The following AGBL1 variants were observed in gnomAD, a reference collection of about 807,000 sequenced individuals.
The protein encoded by AGBL1 is AGBL carboxypeptidase 1.
In AGBL1, 130 loss-of-function variants were observed where a neutral mutation model predicts 118.9. The observed-to-expected ratio is 1.09, with a 90% CI of 0.95 to 1.26. The LOEUF is 1.26. AGBL1 is among the 50% of genes most tolerant of loss of function. AGBL1 has a pLI of 0.00. For synonymous variants in AGBL1, 555 were observed against 478.9 expected (o/e 1.16, Z -2.08); for missense variants, 1,584 against 1,298.1 (o/e 1.22, Z -3.38).
intron 6 of AGBL1, among the ~76,000 whole-genome samples, chr15:86,227,014 T>C (rs1186644135): frequency 1.3e-5 from 2 of 152,230 alleles, no homozygotes; most frequent in Non-Finnish European, 2.9e-5. Context: ...TAAATTTTTT[T>C]TGTTGTTGTT....
intron 1 of AGBL1, among the ~76,000 whole-genome samples, chr15:86,084,490 A>C (rs1317386681): frequency 6.6e-6 from 1 of 152,250 alleles, no homozygotes; most frequent in Non-Finnish European, 1.5e-5. Context: ...CTCAAGGCTT[A>C]AGGACAGAAA....
intron 22 of AGBL1, among the ~76,000 whole-genome samples, chr15:86,727,520 T>C (rs2086838813): frequency 6.6e-6 from 1 of 152,208 alleles, no homozygotes. Context: ...TGTATAGGGA[T>C]AGTTCTTCCC....
At chr15:86,431,487 C>G (rs912802426) in intron 18 of AGBL1, among the ~76,000 whole-genome samples, 1 of 152,082 alleles carries the variant, frequency 6.6e-6, no homozygotes, top group Non-Finnish European at 1.5e-5. Context: ...TTGGAGTATC[C>G]CAACCTTTGC....
Position 86,713,886 on chromosome 15 carries a change from G to C in AGBL1, c.3158+39450G>C, listed in dbSNP as rs186095779. ...CTTGGATTAGAGTTTGCTAATTAAA[G>C]AGCATTTGACCAAGTTGAGCATGCG... On this transcript the variant is annotated intron_variant, in intron 22 of 22. Transcript: ENST00000614907. 9.0e-4 allele frequency among the ~76,000 whole-genome samples: 137 copies of C among 152,190 alleles called. 1 individual carries two copies. The highest frequency in any genetic ancestry group is 1.7e-3 in the Non-Finnish European group (113 of 68,014).
chr15:86,550,794 G>A (rs143304749), intron 20 of AGBL1, among the ~76,000 whole-genome samples: 1 of 151,998 alleles, frequency 6.6e-6, no homozygotes, highest in East Asian at 1.9e-4. Context: ...CTTTTTGAGT[G>A]CACATCAAAA....
At chr15:86,591,604 T>C (rs1048315453) in intron 21 of AGBL1, among the ~76,000 whole-genome samples, 1 of 152,162 alleles carries the variant, frequency 6.6e-6, no homozygotes, top group African/African-American at 2.4e-5. Context: ...GATGAAGAGA[T>C]GCATAGGGTG....
chr15:86,350,403 A>C (rs1431677192), intron 17 of AGBL1, among the ~76,000 whole-genome samples: 1 of 152,228 alleles, frequency 6.6e-6, no homozygotes, highest in Non-Finnish European at 1.5e-5. Context: ...TGACAAATCA[A>C]AGAAAGGTGA....
chr15:86,834,111 A>T (rs12592303), intron 22 of AGBL1, among the ~76,000 whole-genome samples: 2 of 152,088 alleles, frequency 1.3e-5, no homozygotes, highest in Non-Finnish European at 2.9e-5. Context: ...CTCCTACACA[A>T]TGGAGACAAG....
At chr15:86,357,140 G>C (rs1489627379) in intron 17 of AGBL1, among the ~76,000 whole-genome samples, 4 of 152,128 alleles carry the variant, frequency 2.6e-5, no homozygotes, top group Non-Finnish European at 5.9e-5. Flanking sequence ...CACCTAACAG[G>C]GAGTCATGTA....
intron 18 of AGBL1, among the ~76,000 whole-genome samples, chr15:86,450,358 T>C (rs2082178202): frequency 6.6e-6 from 1 of 152,190 alleles, no homozygotes; most frequent in Non-Finnish European, 1.5e-5. Context: ...AGTTGGGACA[T>C]ACATATTTTT....
chr15:86,885,135 C>A (rs1437897586), intron 22 of AGBL1, among the ~76,000 whole-genome samples: 1 of 137,720 alleles, frequency 7.3e-6, no homozygotes, highest in Non-Finnish European at 1.6e-5. Context: ...CATACATATA[C>A]TGTTCTTTGT....
chr15:86,466,820 T>C (rs28797905), intron 18 of AGBL1, among the ~76,000 whole-genome samples: 73,933 of 152,050 alleles, frequency 0.49, 18,480 homozygotes, highest in Non-Finnish European at 0.53. Context: ...GTATCAGCAG[T>C]GGAGGCTGCA....
intron 22 of AGBL1, among the ~76,000 whole-genome samples, chr15:86,825,926 TAGATAGATAGAC>T (rs1250669596): frequency 6.3e-5 from 7 of 110,280 alleles, no homozygotes; most frequent in East Asian, 2.5e-4. Flanking sequence ...GATAGATAGA[TAGATAGATAGAC>T]AGATGAGATA....
intron 21 of AGBL1, among the ~76,000 whole-genome samples, chr15:86,602,741 T>A (rs1336390013): frequency 6.6e-6 from 1 of 152,152 alleles, no homozygotes; most frequent in Non-Finnish European, 1.5e-5. Flanking sequence ...TAGGGAAACG[T>A]CTTTGGAATA....
At chr15:86,859,682 C>T (rs79472987) in intron 22 of AGBL1, among the ~76,000 whole-genome samples, 17,676 of 152,074 alleles carry the variant, frequency 0.12, 1,292 homozygotes, top group Non-Finnish European at 0.16. Context: ...CAGGTCTGGA[C>T]GAGTCGCCTT....
chr15:87,002,126 T>G (rs2081446368), intron 24 of AGBL1, among the ~76,000 whole-genome samples: 1 of 152,090 alleles, frequency 6.6e-6, no homozygotes, highest in African/African-American at 2.4e-5. Flanking sequence ...AACATTTAAG[T>G]CTTTAATCCA....
chr15:86,765,586 G>A (rs796411583), intron 22 of AGBL1, among the ~76,000 whole-genome samples: 3 of 152,060 alleles, frequency 2.0e-5, no homozygotes, highest in African/African-American at 7.2e-5. Context: ...CAGCATTTAC[G>A]ATTCCCTGGA....
intron 18 of AGBL1, among the ~76,000 whole-genome samples, chr15:86,439,823 C>T (rs1309715375): frequency 6.6e-6 from 1 of 152,228 alleles, no homozygotes; most frequent in African/African-American, 2.4e-5. Context: ...GTCGCTCAAA[C>T]AGCCCACAGC....
At chr15:86,261,765 T>C (rs2078989704) in intron 9 of AGBL1, among the ~76,000 whole-genome samples, 1 of 152,100 alleles carries the variant, frequency 6.6e-6, no homozygotes, top group Non-Finnish European at 1.5e-5. Context: ...ACCATCATCA[T>C]TAAAAGGTTT....
Sources: allele counts gnomAD v4.1 joint callset (sites outside exome capture counted in the v4.1 genomes callset), GRCh38; gene constraint gnomAD v4.1.1; transcripts MANE v1.5; gene names NCBI Gene and HGNC (gene_info 2026-07-23, HGNC 2026-07-21).